AGAP1: variants seen among roughly 807,000 people sequenced by gnomAD.
The protein encoded by AGAP1 is arf-GAP with GTPase, ANK repeat and PH domain-containing protein 1.
Under a neutral mutation model 105.3 loss-of-function variants are expected in AGAP1, and 29 were observed. That is an observed-to-expected ratio of 0.28 (90% CI 0.21 to 0.38). AGAP1 has a LOEUF of 0.38. Among genes scored for constraint, AGAP1 ranks in the 10% least tolerant of loss-of-function variants. The pLI, the probability that AGAP1 is intolerant of heterozygous loss-of-function variation, is 1.00. For synonymous variants in AGAP1, 509 were observed against 485.9 expected (o/e 1.05, Z -0.63); for missense variants, 998 against 1,165.1 (o/e 0.86, Z 2.09).
intron 15 of AGAP1, among the ~76,000 whole-genome samples, chr2:236,041,833 C>G (rs531931434): frequency 6.6e-6 from 1 of 152,116 alleles, no homozygotes. Flanking sequence ...GGAGAGCCAT[C>G]GGGGGCATGC....
At chr2:236,016,608 ACCAGGAG>A (rs2056712639) in intron 13 of AGAP1, among the ~76,000 whole-genome samples, 1 of 152,064 alleles carries the variant, frequency 6.6e-6, no homozygotes, top group African/African-American at 2.4e-5. Flanking sequence ...ACCCAGTAGA[ACCAGGAG>A]TGAGGATTTG....
intron 13 of AGAP1, among the ~76,000 whole-genome samples, chr2:235,974,658 G>GA (rs1211133937): frequency 2.6e-5 from 4 of 152,212 alleles, no homozygotes; most frequent in Admixed American, 2.0e-4. Flanking sequence ...TGTTATGGTA[G>GA]AAAATGAATT....
At chr2:235,673,696 G>A (rs181073871) in intron 1 of AGAP1, among the ~76,000 whole-genome samples, 1 of 152,260 alleles carries the variant, frequency 6.6e-6, no homozygotes, top group Non-Finnish European at 1.5e-5. Context: ...TCGTAGACCT[G>A]CAACGTGATA....
At position 235,879,090 on chromosome 2, in the gene AGAP1, G is replaced by T. The variant is rs141611594; in HGVS notation, c.1051-4255G>T. On this transcript the variant is annotated intron_variant, in intron 9 of 17. Transcript: ENST00000304032. The surrounding 1 kb of genome is among the most constrained non-coding windows in gnomAD (Gnocchi z 5.0). ...CAGTGTCCTGGCAGGAGTGAAGACG[G>T]CAGGAGAGCTGGCCCTGCCACATTC... 6.6e-6 allele frequency among the ~76,000 whole-genome samples: 1 copy of T among 152,204 alleles called. No homozygotes were observed. Among genetic ancestry groups the T allele is most frequent in the Non-Finnish European group, 1.5e-5 (1 of 68,028 alleles).
At chr2:236,072,434 ACT>A (rs1474349512) in intron 16 of AGAP1, 2 of 145,346 alleles carry the variant, frequency 1.4e-5, no homozygotes, top group Non-Finnish European at 3.0e-5. Flanking sequence ...ACAGAGCAAG[ACT>A]CTGTCTCAAA....
At chr2:235,513,301 G>T (rs1357952390) in intron 1 of AGAP1, among the ~76,000 whole-genome samples, 2 of 152,024 alleles carry the variant, frequency 1.3e-5, no homozygotes, top group Admixed American at 6.5e-5. Flanking sequence ...CGGGCAGATT[G>T]CTTGAAGTCA....
chr2:235,776,080 T>C (rs1340816751), intron 6 of AGAP1, among the ~76,000 whole-genome samples: 2 of 152,164 alleles, frequency 1.3e-5, no homozygotes. Context: ...TTTGAATATA[T>C]ATTAGATGCG....
At chr2:235,657,843 A>G (rs1947823269) in intron 1 of AGAP1, among the ~76,000 whole-genome samples, 1 of 152,216 alleles carries the variant, frequency 6.6e-6, no homozygotes, top group Non-Finnish European at 1.5e-5. Context: ...TGAGGTCAGT[A>G]GAGTGGGCCC....
chr2:235,619,085 C>T (rs1279651138), intron 1 of AGAP1, among the ~76,000 whole-genome samples: 1 of 152,134 alleles, frequency 6.6e-6, no homozygotes, highest in Admixed American at 6.6e-5. Context: ...GGACTCTACC[C>T]CAGAACCTCC....
At chr2:235,902,519 A>G (rs1431067539) in intron 10 of AGAP1, among the ~76,000 whole-genome samples, 1 of 152,246 alleles carries the variant, frequency 6.6e-6, no homozygotes, top group Non-Finnish European at 1.5e-5. Flanking sequence ...ATTTCTAAAT[A>G]GTGATAGTTT....
At position 235,542,335 on chromosome 2, in the gene AGAP1, G is replaced by A. The variant is rs80330212; in HGVS notation, c.163+47486G>A. 2.8e-3 allele frequency among the ~76,000 whole-genome samples: 424 copies of A among 152,278 alleles called. 3 individuals carry two copies. The highest frequency in any genetic ancestry group is 9.7e-3 in the African/African-American group (403 of 41,548). On this transcript the variant is annotated intron_variant, in intron 1 of 17. Transcript: ENST00000304032. ...CTTGGCCTTGGCCTTCAGGGAGCCCGCCCTTGTGTGGATAAGCGGGATTGA... is the reference window on the plus strand; with the variant it reads ...CTTGGCCTTGGCCTTCAGGGAGCCCACCCTTGTGTGGATAAGCGGGATTGA...
rs7578086 is a variant in AGAP1 at position 236,123,228 on chromosome 2, G to A, written c.2371-691G>A. On this transcript the variant is annotated intron_variant, in intron 17 of 17. Coordinates refer to ENST00000304032, the MANE Select transcript of AGAP1 (RefSeq NM_001037131.3). The surrounding 1 kb of genome is among the most constrained non-coding windows in gnomAD (Gnocchi z 4.6). The stretch of plus-strand genomic sequence containing the variant: ...AGCTGGGACCACAGGCATATGCCAC[G>A]TGCCCAGCTAATTTTTTTAAAATGT... Among the ~76,000 whole-genome samples the A allele has an allele frequency of 0.2, 30,585 of 152,026 alleles. 4,957 individuals are homozygous for A. The highest frequency in any genetic ancestry group is 0.46 in the African/African-American group (18,932 of 41,434).
At chr2:235,785,296 C>G (rs1002924561) in intron 6 of AGAP1, among the ~76,000 whole-genome samples, 1 of 152,136 alleles carries the variant, frequency 6.6e-6, no homozygotes, top group African/African-American at 2.4e-5. Flanking sequence ...AGTTTCTAAA[C>G]TCCTTCTTCT....
intron 1 of AGAP1, among the ~76,000 whole-genome samples, chr2:235,694,558 G>T (rs905919573): frequency 6.6e-6 from 1 of 151,662 alleles, no homozygotes; most frequent in African/African-American, 2.4e-5. Flanking sequence ...TGAGGCAAGA[G>T]AATTGCTTTA....
At chr2:235,884,948 A>G (rs935771328) in intron 10 of AGAP1, among the ~76,000 whole-genome samples, 3 of 152,128 alleles carry the variant, frequency 2.0e-5, no homozygotes, top group African/African-American at 7.2e-5. Context: ...CCTGGCCTCA[A>G]GCAATCTGCC....
At chr2:235,603,169 C>T (rs1945790640) in intron 1 of AGAP1, among the ~76,000 whole-genome samples, 1 of 152,146 alleles carries the variant, frequency 6.6e-6, no homozygotes, top group Non-Finnish European at 1.5e-5. Flanking sequence ...GAATAAGCCT[C>T]CTGAGAGCTG....
chr2:236,036,518 T>A lies in AGAP1; in HGVS notation c.1646-43T>A. The A allele has an allele frequency of 6.2e-7, 1 of 1,605,228 alleles. No homozygotes were observed. Among genetic ancestry groups the A allele is most frequent in the Non-Finnish European group, 8.5e-7 (1 of 1,175,532 alleles). On this transcript the variant is annotated intron_variant, in intron 13 of 17. Coordinates refer to ENST00000304032, the MANE Select transcript of AGAP1 (RefSeq NM_001037131.3). The surrounding 1 kb of genome is among the most constrained non-coding windows in gnomAD (Gnocchi z 5.7). Reference sequence around the variant, plus strand: ...CAGAGGGCCCGCAGGGGGACTGCTGTCTCATAAAAGCTAAACTCTTCATCC... The same window carrying A: ...CAGAGGGCCCGCAGGGGGACTGCTGACTCATAAAAGCTAAACTCTTCATCC...
rs1268907484 is a variant in AGAP1 at position 236,001,608 on chromosome 2, G to A, written c.1645+32985G>A. On this transcript the variant is annotated intron_variant, in intron 13 of 17. Transcript: ENST00000304032. The surrounding 1 kb of genome is among the most constrained non-coding windows in gnomAD (Gnocchi z 4.7). ...TGCTGAAAGAGTTAATATGGGAAGTGAGAGGACACAGAGGCCAGGGCCGGG... is the reference window on the plus strand; with the variant it reads ...TGCTGAAAGAGTTAATATGGGAAGTAAGAGGACACAGAGGCCAGGGCCGGG... 6.6e-6 allele frequency among the ~76,000 whole-genome samples: 1 copy of A among 152,176 alleles called. No homozygotes were observed. The highest frequency in any genetic ancestry group is 1.5e-5 in the Non-Finnish European group (1 of 68,042).
rs527561815 is a variant in AGAP1 at position 235,799,738 on chromosome 2, G to A, written c.957+216G>A. 2.0e-5 allele frequency among the ~76,000 whole-genome samples: 3 copies of A among 152,146 alleles called. No homozygotes were observed. Among genetic ancestry groups the A allele is most frequent in the African/African-American group, 4.8e-5 (2 of 41,438 alleles). On this transcript the variant is annotated intron_variant, in intron 8 of 17. Transcript: ENST00000304032. The surrounding 1 kb of genome is among the most constrained non-coding windows in gnomAD (Gnocchi z 5.0). ...TCTTCATGTAGACATTCCTGACTTC[G>A]TGTGTCTGAAATGAAGAGCTGGGGG...
Sources: allele counts gnomAD v4.1 joint callset (sites outside exome capture counted in the v4.1 genomes callset), GRCh38; gene constraint gnomAD v4.1.1; non-coding constraint Gnocchi (gnomAD v3.1); transcripts MANE v1.5; gene names NCBI Gene and HGNC (gene_info 2026-07-23, HGNC 2026-07-21).